GTF2H1: variants seen among roughly 807,000 people sequenced by gnomAD.
GTF2H1 encodes general transcription factor IIH subunit 1.
A neutral mutation model predicts 71.2 loss-of-function variants in GTF2H1; 16 were observed. The observed-to-expected ratio is 0.22, with a 90% confidence interval of 0.15 to 0.34. The LOEUF (loss-of-function observed/expected upper bound fraction) is 0.34. Among genes scored for constraint, GTF2H1 ranks in the 10% least tolerant of loss-of-function variants. The pLI, the probability that GTF2H1 is intolerant of heterozygous loss-of-function variation, is 1.00. For missense variants in GTF2H1, 498 were observed against 648.2 expected (o/e 0.77, Z 2.52); for synonymous variants, 215 against 219.0 (o/e 0.98, Z 0.16).
intron 7 of GTF2H1, among the ~76,000 whole-genome samples, chr11:18,345,036 T>G (rs200762259): frequency 6.6e-6 from 1 of 150,390 alleles, no homozygotes; most frequent in Non-Finnish European, 1.5e-5. Context: ...TTTTTTAATT[T>G]AAAAATTAGC....
At chr11:18,340,660 T>C (rs565647266) in intron 5 of GTF2H1, among the ~76,000 whole-genome samples, 2 of 152,342 alleles carry the variant, frequency 1.3e-5, no homozygotes, top group South Asian at 4.1e-4. Context: ...TAAGTTCTTT[T>C]TCTATAGTAA....
At chr11:18,333,454 C>T in intron 2 of GTF2H1, 1 of 336,642 alleles carries the variant, frequency 3.0e-6, no homozygotes, top group Middle Eastern at 8.3e-4. Flanking sequence ...ACATATAGAT[C>T]TCCACACACT....
intron 14 of GTF2H1, 68 bp from the exon 15 acceptor site, chr11:18,365,715 A>C: frequency 9.9e-7 from 1 of 1,013,948 alleles, no homozygotes; most frequent in East Asian, 2.4e-5. Context: ...TGTGTGCCAG[A>C]TTTGGGTTGG....
Position 18,339,551 on chromosome 11 carries a change from G to A in GTF2H1, c.514-13G>A, listed in dbSNP as rs774588006. ...ATGCTCTAACGTGTATGTGTGTATGGGCTTTGTTTTAGGCTGATGTCCGGC... is the reference window on the plus strand; with the variant it reads ...ATGCTCTAACGTGTATGTGTGTATGAGCTTTGTTTTAGGCTGATGTCCGGC... On this transcript the variant is annotated splice_polypyrimidine_tract_variant and intron_variant, in intron 4 of 14. Coordinates refer to ENST00000265963, the MANE Select transcript of GTF2H1 (RefSeq NM_005316.4). 1.3e-6 allele frequency: 2 copies of A among 1,588,478 alleles called. No individual in the cohort carries two copies. Among genetic ancestry groups the A allele is most frequent in the Admixed American group, 1.7e-5 (1 of 59,834 alleles).
chr11:18,359,197 G>T (rs1370349305), intron 13 of GTF2H1, among the ~76,000 whole-genome samples: 1 of 152,164 alleles, frequency 6.6e-6, no homozygotes, highest in Non-Finnish European at 1.5e-5. Flanking sequence ...GGAAGATTAA[G>T]GGGAAATGCT....
chr11:18,335,800 G>T lies in GTF2H1; in HGVS notation c.201G>T (p.Leu67=). The change falls in exon 3 of 15, where the codon CTG becomes CTT. Residue 67 remains leucine (L), a synonymous_variant. Transcript: ENST00000265963. ...PEGKAKIQLQ[L]VLHAGDTTNF... ...GAAAAGCTAAAATTCAGCTTCAGCT[G>T]GTCCTACATGCAGGGGACACAACTA... is the stretch of plus-strand genomic sequence containing the variant. 1 of 1,613,962 alleles carries T rather than the reference G, an allele frequency of 6.2e-7. No homozygotes were observed. The highest frequency in any genetic ancestry group is 8.5e-7 in the Non-Finnish European group (1 of 1,179,916).
intron 14 of GTF2H1, among the ~76,000 whole-genome samples, chr11:18,361,750 CA>C (rs2133992176): frequency 6.6e-6 from 1 of 152,262 alleles, no homozygotes; most frequent in African/African-American, 2.4e-5. Flanking sequence ...GTAGCAAGCA[CA>C]AACCTAGCAG....
intron 5 of GTF2H1, 118 bp from the exon 6 acceptor site, chr11:18,341,143 G>A (rs1590188261): frequency 2.9e-6 from 2 of 682,988 alleles, no homozygotes; most frequent in African/African-American, 1.8e-5. Context: ...ATAACTTATA[G>A]TATGTAGAGT....
At chr11:18,358,065 C>T in intron 12 of GTF2H1, 23 bp downstream of exon 12, 1 of 1,537,776 alleles carries the variant, frequency 6.5e-7, no homozygotes, top group Non-Finnish European at 9.0e-7. Context: ...CCATCTTCTA[C>T]TACTTTCTGC....
chr11:18,352,282 C>T, intron 10 of GTF2H1, 47 bp from the exon 11 acceptor site: 1 of 836,646 alleles, frequency 1.2e-6, no homozygotes, highest in Non-Finnish European at 2.0e-6. Flanking sequence ...AAATGTTGAG[C>T]ATCTTTACTG....
At chr11:18,335,988 C>A in intron 3 of GTF2H1, 42 bp downstream of exon 3, 1 of 1,456,442 alleles carries the variant, frequency 6.9e-7, no homozygotes, top group South Asian at 1.2e-5. Context: ...ATACTGGGTT[C>A]TCTATAGTCT....
intron 14 of GTF2H1, among the ~76,000 whole-genome samples, chr11:18,365,288 GAA>G (rs1163797381): frequency 2.0e-5 from 3 of 152,048 alleles, no homozygotes; most frequent in African/African-American, 7.2e-5. Context: ...TGAGACATGA[GAA>G]CTGCTTGGAC....
chr11:18,348,086 G>C, intron 9 of GTF2H1, 167 bp downstream of exon 9: 1 of 625,082 alleles, frequency 1.6e-6, no homozygotes, highest in Non-Finnish European at 2.8e-6. Context: ...CCCCAGCTTT[G>C]GCTTGCCAGC....
chr11:18,353,386 C>G (rs1646840607), intron 11 of GTF2H1, among the ~76,000 whole-genome samples: 1 of 152,242 alleles, frequency 6.6e-6, no homozygotes, highest in African/African-American at 2.4e-5. Flanking sequence ...ACTCGAGTCT[C>G]ATCTTCAGCG....
At position 18,333,252 on chromosome 11, in the gene GTF2H1, G is replaced by A. The variant is rs761239125; in HGVS notation, c.154+24G>A. 1.1e-5 allele frequency: 17 copies of A among 1,550,354 alleles called. No individual in the cohort carries two copies. The Admixed American group carries it at 1.2e-4, about 11-fold the overall frequency. ...ATGTAAGTCAGCTATACTAAGTTCT[G>A]ATGTATTTGTATGTCATAGTTGCTA... On this transcript the variant is annotated intron_variant, in intron 2 of 14. Transcript: ENST00000265963.
chr11:18,335,406 A>C (rs906947292), intron 2 of GTF2H1, among the ~76,000 whole-genome samples: 4 of 152,162 alleles, frequency 2.6e-5, no homozygotes, highest in Non-Finnish European at 5.9e-5. Flanking sequence ...GATAATGTTG[A>C]TTTGGGGCAG....
At chr11:18,339,296 A>G (rs1290296452) in intron 4 of GTF2H1, among the ~76,000 whole-genome samples, 1 of 152,206 alleles carries the variant, frequency 6.6e-6, no homozygotes, top group African/African-American at 2.4e-5. Flanking sequence ...TTAAAGCTCC[A>G]CTGCCTCTCT....
At chr11:18,330,852 T>C (rs1008546941) in intron 1 of GTF2H1, among the ~76,000 whole-genome samples, 7 of 152,134 alleles carry the variant, frequency 4.6e-5, no homozygotes, top group African/African-American at 1.7e-4. Flanking sequence ...GTTGGATAAA[T>C]GTATTCACAT....
At chr11:18,324,917 T>G (rs1370900643) in intron 1 of GTF2H1, among the ~76,000 whole-genome samples, 1 of 152,236 alleles carries the variant, frequency 6.6e-6, no homozygotes, top group Non-Finnish European at 1.5e-5. Context: ...GTCCTAAAAT[T>G]GCCACATCAG....
Sources: gnomAD v4.1 joint callset for allele counts (sites outside exome capture counted in the v4.1 genomes callset) on GRCh38, gnomAD v4.1.1 for gene constraint, MANE v1.5 for transcripts, NCBI Gene and HGNC (gene_info 2026-07-23, HGNC 2026-07-21) for gene names.